CSMD1: variants seen among roughly 807,000 people sequenced by gnomAD.
The protein encoded by CSMD1 is CUB and Sushi multiple domains 1.
In CSMD1, 213 loss-of-function variants were observed where a neutral mutation model predicts 417.5. The observed-to-expected ratio is 0.51, with a 90% CI of 0.46 to 0.57. The LOEUF (loss-of-function observed/expected upper bound fraction) is 0.57. Among genes scored for constraint, CSMD1 ranks in the 20% least tolerant of loss-of-function variants. The pLI, the probability that CSMD1 is intolerant of heterozygous loss-of-function variation, is 0.00. For missense variants in CSMD1, 6,923 were observed against 4,529.7 expected, an observed-to-expected ratio of 1.53 and a Z score of -15.17; for synonymous variants, 2,862 against 1,736.8, an observed-to-expected ratio of 1.65 and a Z score of -16.11.
intron 5 of CSMD1, among the ~76,000 whole-genome samples, chr8:3,884,975 T>C (rs1425983331): frequency 6.7e-6 from 1 of 148,740 alleles, no homozygotes; most frequent in African/African-American, 2.5e-5. Context: ...AAGGCATCAT[T>C]CATATATATA....
intron 1 of CSMD1, among the ~76,000 whole-genome samples, chr8:4,888,917 A>G (rs1803927441): frequency 6.6e-6 from 1 of 152,150 alleles, no homozygotes; most frequent in East Asian, 1.9e-4. Context: ...TAATAATTAA[A>G]TGAGTTAATG....
At chr8:4,651,381 T>A (rs1407802328) in intron 1 of CSMD1, among the ~76,000 whole-genome samples, 3 of 152,178 alleles carry the variant, frequency 2.0e-5, no homozygotes, top group Non-Finnish European at 2.9e-5. Context: ...AGCAGTGCAT[T>A]CCTCCACTGC....
At chr8:3,133,182 C>G (rs1343756816) in intron 41 of CSMD1, among the ~76,000 whole-genome samples, 2 of 151,920 alleles carry the variant, frequency 1.3e-5, no homozygotes, top group Non-Finnish European at 2.9e-5. Context: ...ACCTGGGGCC[C>G]CTTCTTGGCT....
intron 2 of CSMD1, among the ~76,000 whole-genome samples, chr8:4,536,711 T>C (rs1050301306): frequency 6.6e-6 from 1 of 152,242 alleles, no homozygotes; most frequent in African/African-American, 2.4e-5. Context: ...TAAAAAGTTT[T>C]GAGTATATGC....
chr8:2,949,476 T>G (rs796862142), intron 67 of CSMD1, 90 bp from the exon 68 acceptor site: 1 of 609,618 alleles, frequency 1.6e-6, no homozygotes. Flanking sequence ...AATACAACTG[T>G]TATATCTCAT....
intron 4 of CSMD1, among the ~76,000 whole-genome samples, chr8:4,010,675 C>G (rs1037959574): frequency 2.0e-5 from 3 of 152,124 alleles, no homozygotes; most frequent in African/African-American, 7.2e-5. Flanking sequence ...CCTAGAGTTC[C>G]CTGACTCTGC....
At chr8:4,310,678 C>G (rs1798511336) in intron 3 of CSMD1, among the ~76,000 whole-genome samples, 1 of 152,002 alleles carries the variant, frequency 6.6e-6, no homozygotes, top group Admixed American at 6.6e-5. Flanking sequence ...GGTGGCAAAA[C>G]AAAGACACAA....
intron 7 of CSMD1, among the ~76,000 whole-genome samples, chr8:3,684,894 C>T (rs866077235): frequency 6.6e-6 from 1 of 152,082 alleles, no homozygotes; most frequent in African/African-American, 2.4e-5. Flanking sequence ...TCTAAATTCT[C>T]TTCTGAAATT....
intron 1 of CSMD1, among the ~76,000 whole-genome samples, chr8:4,663,785 A>C (rs1030118361): frequency 6.6e-6 from 1 of 152,160 alleles, no homozygotes; most frequent in Middle Eastern, 3.2e-3. Context: ...CTAATGCACT[A>C]AGTGCTGTAG....
At chr8:4,310,169 T>C (rs1198521929) in intron 3 of CSMD1, among the ~76,000 whole-genome samples, 1 of 152,166 alleles carries the variant, frequency 6.6e-6, no homozygotes, top group Non-Finnish European at 1.5e-5. Context: ...AGGTATTGCA[T>C]CAGACCATAA....
chr8:3,680,468 C>T (rs1353192924), intron 7 of CSMD1, among the ~76,000 whole-genome samples: 4 of 152,014 alleles, frequency 2.6e-5, no homozygotes, highest in Non-Finnish European at 4.4e-5. Context: ...ACACATACAC[C>T]CTCCCAAGAC....
chr8:3,811,945 C>G (rs1457748511), intron 5 of CSMD1, among the ~76,000 whole-genome samples: 2 of 152,052 alleles, frequency 1.3e-5, no homozygotes, highest in Non-Finnish European at 2.9e-5. Context: ...CCTGGAAAGG[C>G]TTTTGTTTGT....
At position 2,965,960 on chromosome 8, in the gene CSMD1, A is replaced by G; in HGVS notation, c.9101-6T>C. 6.3e-7 allele frequency: 1 copy of G among 1,596,632 alleles called. No individual in the cohort carries two copies. On this transcript the variant is annotated splice_polypyrimidine_tract_variant and splice_region_variant and intron_variant, in intron 58 of 69. Transcript: ENST00000635120. ...TGGATCCCCACAACTTATAACTAAT[A>G]AACAGGGAACAGGAAAGAATCAGAG... is the stretch of plus-strand genomic sequence containing the variant.
intron 7 of CSMD1, among the ~76,000 whole-genome samples, chr8:3,692,391 C>T (rs1318278494): frequency 2.0e-5 from 3 of 152,136 alleles, no homozygotes; most frequent in African/African-American, 7.2e-5. Flanking sequence ...GAGCTTGTCA[C>T]TTCTAACGTG....
At chr8:2,941,823 T>C (rs1159869303) in intron 69 of CSMD1, among the ~76,000 whole-genome samples, 1 of 152,206 alleles carries the variant, frequency 6.6e-6, no homozygotes, top group Non-Finnish European at 1.5e-5. Context: ...GAGTTGAAAG[T>C]GGCCATAGAG....
chr8:4,303,760 A>G (rs184439202), intron 3 of CSMD1, among the ~76,000 whole-genome samples: 24 of 151,980 alleles, frequency 1.6e-4, no homozygotes, highest in Admixed American at 1.6e-3. Flanking sequence ...GTTTCAAGCG[A>G]TTCTCCTGCC....
At chr8:4,434,587 C>A (rs190715260) in intron 2 of CSMD1, among the ~76,000 whole-genome samples, 1 of 152,316 alleles carries the variant, frequency 6.6e-6, no homozygotes, top group African/African-American at 2.4e-5. Flanking sequence ...GTTCATGTTA[C>A]AGTCAATGAA....
At chr8:4,906,775 G>C (rs902596614) in intron 1 of CSMD1, among the ~76,000 whole-genome samples, 2 of 152,134 alleles carry the variant, frequency 1.3e-5, no homozygotes, top group South Asian at 2.1e-4. Flanking sequence ...GGCCAGGTTG[G>C]TCTCCAACTC....
At chr8:2,971,335 T>G (rs750757525) in intron 57 of CSMD1, among the ~76,000 whole-genome samples, 1 of 152,196 alleles carries the variant, frequency 6.6e-6, no homozygotes, top group Non-Finnish European at 1.5e-5. Flanking sequence ...AGACCACACA[T>G]TGCACTTATC....
Sources: allele counts gnomAD v4.1 joint callset (sites outside exome capture counted in the v4.1 genomes callset), GRCh38; gene constraint gnomAD v4.1.1; transcripts MANE v1.5; gene names NCBI Gene and HGNC (gene_info 2026-07-23, HGNC 2026-07-21).